The following WWP2 variants were observed in gnomAD, a reference collection of about 807,000 sequenced individuals.
WWP2 encodes the protein NEDD4-like E3 ubiquitin-protein ligase WWP2.
A neutral mutation model predicts 121.0 loss-of-function variants in WWP2; 57 were observed. The ratio of observed to expected loss-of-function variants is 0.47; its 90% CI spans 0.38 to 0.59. The LOEUF is 0.59. Ranked by LOEUF, WWP2 falls within the 20% of genes least tolerant of loss-of-function variation. The pLI is 0.00. For missense variants in WWP2, 962 were observed against 1,158.9 expected (o/e 0.83, Z 2.47); for synonymous variants, 449 against 441.3 (o/e 1.02, Z -0.22).
chr16:69,822,543 G>A (rs913898280), intron 4 of WWP2, among the ~76,000 whole-genome samples: 8 of 152,088 alleles, frequency 5.3e-5, no homozygotes, highest in African/African-American at 1.9e-4. Flanking sequence ...GTGTGTGTGT[G>A]TGTGTGTTTG....
chr16:69,872,891 G>A (rs1265685999), intron 7 of WWP2, among the ~76,000 whole-genome samples: 1 of 152,152 alleles, frequency 6.6e-6, no homozygotes, highest in Admixed American at 6.5e-5. Flanking sequence ...CTCTCATCAG[G>A]ACAGAGTCAA....
rs1198273553 is a variant in WWP2 at position 69,940,301 on chromosome 16, C to G, written c.*361C>G. The G allele has an allele frequency of 4.3e-6, 1 of 231,158 alleles. No homozygotes were observed. The highest frequency in any genetic ancestry group is 8.5e-6 in the Non-Finnish European group (1 of 118,054). The allele number at this position is 231,158 out of a possible 1,614,324, so 14.3% of individuals were successfully genotyped here. ...AGGGGCTGCCGCAGAGGCCGGAGAC[C>G]TCCTGGACTAGTTCGGCGAGGAGAC... On this transcript the variant is annotated 3_prime_UTR_variant, in exon 24 of 24. Transcript: ENST00000359154.
At chr16:69,904,157 G>T (rs2058251020) in intron 8 of WWP2, among the ~76,000 whole-genome samples, 1 of 152,138 alleles carries the variant, frequency 6.6e-6, no homozygotes, top group South Asian at 2.1e-4. Context: ...GAATAAAGAG[G>T]GTATCAGATT....
At chr16:69,884,591 G>A (rs2057890179) in intron 7 of WWP2, among the ~76,000 whole-genome samples, 1 of 152,182 alleles carries the variant, frequency 6.6e-6, no homozygotes, top group South Asian at 2.1e-4. Context: ...TTGTGCCACT[G>A]CACTCCAGCC....
intron 10 of WWP2, among the ~76,000 whole-genome samples, chr16:69,920,879 G>T (rs1003327166): frequency 1.3e-5 from 2 of 152,152 alleles, no homozygotes; most frequent in Non-Finnish European, 1.5e-5. Context: ...CAAGATGTTG[G>T]TGTGTGAAAG....
intron 4 of WWP2, among the ~76,000 whole-genome samples, chr16:69,808,174 T>A (rs886785495): frequency 2.0e-5 from 3 of 152,200 alleles, no homozygotes; most frequent in African/African-American, 7.2e-5. Flanking sequence ...GAATTTCATA[T>A]TAGTGAGAAC....
intron 6 of WWP2, among the ~76,000 whole-genome samples, chr16:69,866,557 C>A (rs2057528176): frequency 6.6e-6 from 1 of 152,162 alleles, no homozygotes; most frequent in Non-Finnish European, 1.5e-5. Flanking sequence ...TGGAACCACA[C>A]AGGATTTGTC....
rs555417171 is a variant in WWP2, at chr16:69,799,818, C to T, written c.340+523C>T. Among the ~76,000 whole-genome samples, 86 of 152,232 alleles carry T rather than the reference C, an allele frequency of 5.6e-4. 1 individual carries two copies. In the South Asian group the frequency reaches 0.016, roughly 28 times the overall value. ...ACTGGATGTTGGAACGTGATGGACG[C>T]GCCATCTGAATTAGCCAACGTGCCT... On this transcript the variant is annotated intron_variant, in intron 4 of 23. Transcript: ENST00000359154. The surrounding 1 kb of genome is among the most constrained non-coding windows in gnomAD (Gnocchi z 4.5).
intron 4 of WWP2, among the ~76,000 whole-genome samples, chr16:69,822,532 G>GGTGT (rs142800550): frequency 8.6e-5 from 13 of 151,206 alleles, no homozygotes; most frequent in Admixed American, 2.6e-4. Flanking sequence ...GCCTGGGTGG[G>GGTGT]GTGTGTGTGT....
chr16:69,795,653 T>TG (rs1283428726), intron 2 of WWP2, among the ~76,000 whole-genome samples: 1 of 124,912 alleles, frequency 8.0e-6, no homozygotes, highest in Non-Finnish European at 1.7e-5. Flanking sequence ...TAGGAGGTTT[T>TG]TTTTTTTTTT....
intron 4 of WWP2, among the ~76,000 whole-genome samples, chr16:69,814,297 A>G (rs995057399): frequency 2.6e-5 from 4 of 152,274 alleles, no homozygotes; most frequent in African/African-American, 7.2e-5. Flanking sequence ...AGTTGCTGGA[A>G]CTACAGGCAT....
chr16:69,796,249 T>G (rs1298339802), intron 2 of WWP2, among the ~76,000 whole-genome samples: 1 of 152,140 alleles, frequency 6.6e-6, no homozygotes, highest in African/African-American at 2.4e-5. Flanking sequence ...AGTGTGTATG[T>G]GTATGAGCGC....
chr16:69,782,351 G>A (rs945644898), intron 1 of WWP2, among the ~76,000 whole-genome samples: 30 of 152,260 alleles, frequency 2.0e-4, no homozygotes, highest in African/African-American at 6.7e-4. Flanking sequence ...ACTGAGAAGA[G>A]GTAGAACATT....
In WWP2 at chr16:69,908,834, C is replaced by T. The variant is rs529312655; in HGVS notation, c.988C>T (p.Arg330Trp). The change falls in exon 9 of 24, where the codon CGG becomes TGG. Residue 330 changes from arginine to tryptophan, a missense_variant. Around this residue, in one of 3 missense-constraint regions of WWP2, gnomAD observed 606 missense variants for 772.6 expected, o/e 0.78. Transcript: ENST00000359154. The stretch of plus-strand genomic sequence containing the variant: ...CAATACCAAGACCACCACCTGGGAG[C>T]GGCCCCTTCCTCCAGGGTAGGTCAT... The part of the protein sequence containing the change: ...DHNTKTTTWE[R>W]PLPPGWEKRT... 23 of 1,614,184 alleles carry T rather than the reference C, an allele frequency of 1.4e-5. No individual in the cohort carries two copies. The highest frequency in any genetic ancestry group is 6.7e-5 in the East Asian group (3 of 44,882).
At chr16:69,872,526 T>G (rs1041185312) in intron 7 of WWP2, among the ~76,000 whole-genome samples, 1 of 152,256 alleles carries the variant, frequency 6.6e-6, no homozygotes, top group Non-Finnish European at 1.5e-5. Flanking sequence ...TTCTATTCAT[T>G]TCTTATCTGC....
intron 2 of WWP2, among the ~76,000 whole-genome samples, chr16:69,789,563 G>T (rs1392254451): frequency 1.3e-5 from 2 of 152,098 alleles, no homozygotes; most frequent in African/African-American, 4.8e-5. Context: ...CAGTCCTTCA[G>T]TGCTCCTCCT....
intron 4 of WWP2, among the ~76,000 whole-genome samples, chr16:69,815,719 G>A (rs574641145): frequency 1.9e-4 from 29 of 151,200 alleles, no homozygotes; most frequent in East Asian, 1.4e-3. Flanking sequence ...CCTGAGAGGC[G>A]GAGGTTGCAG....
At position 69,872,034 on chromosome 16, in the gene WWP2, G is replaced by A. The variant is rs565290770; in HGVS notation, c.703+103G>A. The A allele has an allele frequency of 6.0e-5, 88 of 1,468,336 alleles. 1 individual carries two copies. Among genetic ancestry groups the A allele is most frequent in the South Asian group, 2.2e-4 (16 of 73,324 alleles). 91.0% of individuals were successfully genotyped at this position (1,468,336 alleles called of 1,614,324 possible). A position where few individuals can be genotyped will look rare whatever the true frequency, so the allele number is the denominator to read the frequency against. ...CCCACTGTGTCAGAATAGAGGGTGG[G>A]CGTCAGAAGGCTCTAGGACTAAACT... On this transcript the variant is annotated intron_variant, in intron 7 of 23. Transcript: ENST00000359154.
At chr16:69,915,044 G>A (rs2058458855) in intron 9 of WWP2, among the ~76,000 whole-genome samples, 1 of 152,168 alleles carries the variant, frequency 6.6e-6, no homozygotes, top group Non-Finnish European at 1.5e-5. Context: ...AGGACACAGA[G>A]CGGGTGTGAG....
Sources: gnomAD v4.1 joint callset for allele counts (sites outside exome capture counted in the v4.1 genomes callset) on GRCh38, gnomAD v4.1.1 for gene constraint, gnomAD v4.1.1 regional missense constraint, Gnocchi (gnomAD v3.1) non-coding constraint, MANE v1.5 for transcripts, NCBI Gene and HGNC (gene_info 2026-07-23, HGNC 2026-07-21) for gene names.